Variants in NELL1 observed in about 807,000 individuals in gnomAD.
NELL1 encodes neural EGFL like 1.
In NELL1, 76 loss-of-function variants were observed where a neutral mutation model predicts 107.4. The ratio of observed to expected loss-of-function variants is 0.71; its 90% CI spans 0.59 to 0.86. NELL1 has a LOEUF of 0.86. Ranked by LOEUF, NELL1 falls within the 40% of genes least tolerant of loss-of-function variation. NELL1 has a pLI of 0.00. For missense variants in NELL1, 1,024 were observed against 1,005.5 expected (o/e 1.02, Z -0.25); for synonymous variants, 353 against 341.2 (o/e 1.03, Z -0.38).
At chr11:21,401,554 C>T (rs76147467) in intron 15 of NELL1, among the ~76,000 whole-genome samples, 1,949 of 150,644 alleles carry the variant, frequency 0.013, 61 homozygotes, top group African/African-American at 0.046. Context: ...CAAACTGACA[C>T]AAAAATGAGG....
intron 13 of NELL1, among the ~76,000 whole-genome samples, chr11:21,217,875 T>C (rs751123910): frequency 9.2e-5 from 14 of 152,192 alleles, no homozygotes; most frequent in Non-Finnish European, 1.9e-4. Context: ...AATGTGTCAA[T>C]TGATCATGGC....
rs564685813 is a variant in NELL1, at chr11:20,799,992, G to A, written c.335+16162G>A. Among the ~76,000 whole-genome samples, 28 of 152,222 alleles carry A rather than the reference G, an allele frequency of 1.8e-4. No homozygotes were observed. The South Asian group carries it at 5.8e-3, about 32-fold the overall frequency. On this transcript the variant is annotated intron_variant, in intron 3 of 19. Transcript: ENST00000357134. ...TCTGTTCTTGTGTTAATTCACTTAG[G>A]ATCATGGCCCCCAGCTGTATTCATG...
intron 13 of NELL1, among the ~76,000 whole-genome samples, chr11:21,114,418 A>G (rs897122633): frequency 6.6e-6 from 1 of 152,034 alleles, no homozygotes; most frequent in African/African-American, 2.4e-5. Flanking sequence ...AAGTTATAAG[A>G]AAAGGGTCCC....
intron 12 of NELL1, among the ~76,000 whole-genome samples, chr11:21,077,658 A>G (rs531540091): frequency 1.3e-5 from 2 of 151,846 alleles, no homozygotes; most frequent in East Asian, 3.9e-4. Context: ...CACAAGAATC[A>G]CTTGAACCTG....
At chr11:21,137,972 G>A (rs1855780860) in intron 13 of NELL1, among the ~76,000 whole-genome samples, 1 of 152,072 alleles carries the variant, frequency 6.6e-6, no homozygotes. Context: ...GAAACGTAAG[G>A]TTTCTCCCTG....
chr11:20,847,707 C>A lies in NELL1; in HGVS notation c.460C>A (p.Leu154Met). 6.2e-7 allele frequency: 1 copy of A among 1,613,480 alleles called. No homozygotes were observed. The highest frequency in any genetic ancestry group is 8.5e-7 in the Non-Finnish European group (1 of 1,179,698). Residue 154 changes from leucine to methionine, a missense_variant, in exon 4 of 20, where the codon CTG becomes ATG. Transcript: ENST00000357134. Reference sequence around the variant, plus strand: ...AGATGGACAATGGCACAAGGTTGCACTGTCAGTTAGCGCCTCTCATCTCCT... The same window carrying A: ...AGATGGACAATGGCACAAGGTTGCAATGTCAGTTAGCGCCTCTCATCTCCT... ...MADGQWHKVA[L>M]SVSASHLLLH...
intron 15 of NELL1, among the ~76,000 whole-genome samples, chr11:21,426,842 G>C (rs1279022523): frequency 6.6e-6 from 1 of 152,162 alleles, no homozygotes; most frequent in Admixed American, 6.6e-5. Context: ...TGGAAGAGGG[G>C]TGTCAGAAGA....
At chr11:20,790,329 C>T (rs867669350) in intron 3 of NELL1, among the ~76,000 whole-genome samples, 1 of 152,238 alleles carries the variant, frequency 6.6e-6, no homozygotes, top group East Asian at 1.9e-4. Flanking sequence ...GCTAAGGTGG[C>T]AGAGGGCTGG....
chr11:21,284,674 G>GAGCC, intron 14 of NELL1: 1 of 379,234 alleles, frequency 2.6e-6, no homozygotes, highest in South Asian at 1.9e-5. Flanking sequence ...CTTGTGCCTG[G>GAGCC]AGCCAACTAT....
chr11:20,820,356 ATAC>A, intron 3 of NELL1, among the ~76,000 whole-genome samples: 1 of 152,300 alleles, frequency 6.6e-6, no homozygotes, highest in South Asian at 2.1e-4. Context: ...ATGTTATTAA[ATAC>A]CTATTATAAA....
chr11:20,895,115 CA>C (rs990993597), intron 5 of NELL1, among the ~76,000 whole-genome samples: 5 of 143,100 alleles, frequency 3.5e-5, no homozygotes, highest in South Asian at 4.5e-4. Context: ...ACTAAAAATA[CA>C]AAAAAATTAG....
At chr11:20,789,104 C>T (rs1270954517) in intron 3 of NELL1, among the ~76,000 whole-genome samples, 1 of 152,206 alleles carries the variant, frequency 6.6e-6, no homozygotes, top group Non-Finnish European at 1.5e-5. Context: ...TGTTGCTTTT[C>T]TGACCAGAAA....
intron 12 of NELL1, among the ~76,000 whole-genome samples, chr11:21,055,176 A>C (rs544053204): frequency 5.3e-5 from 8 of 152,108 alleles, no homozygotes; most frequent in Non-Finnish European, 1.0e-4. Context: ...ATATGGAAAA[A>C]ATTATGTATA....
intron 15 of NELL1, among the ~76,000 whole-genome samples, chr11:21,380,794 A>C (rs2133768030): frequency 1.3e-5 from 2 of 152,180 alleles, no homozygotes; most frequent in Middle Eastern, 3.4e-3. Flanking sequence ...TGGAAACATC[A>C]ATGCCTTTTT....
At chr11:21,385,972 G>A (rs1016015967) in intron 15 of NELL1, among the ~76,000 whole-genome samples, 1 of 151,682 alleles carries the variant, frequency 6.6e-6, no homozygotes, top group Non-Finnish European at 1.5e-5. Context: ...CACATAGATT[G>A]TAAGCTTTTC....
At chr11:21,337,780 CTTTCTTTCT>C (rs1555006140) in intron 14 of NELL1, among the ~76,000 whole-genome samples, 1 of 139,998 alleles carries the variant, frequency 7.1e-6, no homozygotes, top group East Asian at 2.1e-4. Flanking sequence ...TTCTTTCTTT[CTTTCTTTCT>C]TTCTTTCCTT....
chr11:20,907,653 T>C lies in NELL1; in HGVS notation c.604-10529T>C, dbSNP rs74738308. ...GTATATTGCTGGTGGAAATATAAAA[T>C]CATGTAGCTTGATGAAAATACCAAA... On this transcript the variant is annotated intron_variant, in intron 5 of 19. Transcript: ENST00000357134. 3.3e-5 allele frequency among the ~76,000 whole-genome samples: 5 copies of C among 152,178 alleles called. No individual in the cohort carries two copies. In the East Asian group the frequency reaches 9.7e-4, roughly 29 times the overall value.
At chr11:21,337,735 C>T (rs868300267) in intron 14 of NELL1, among the ~76,000 whole-genome samples, 45 of 105,376 alleles carry the variant, frequency 4.3e-4, no homozygotes, top group Admixed American at 1.6e-3. Context: ...TTCTTTCTTT[C>T]CTTTCTTTCT....
chr11:21,121,766 A>T (rs929004614), intron 13 of NELL1, among the ~76,000 whole-genome samples: 5 of 152,316 alleles, frequency 3.3e-5, no homozygotes, highest in Non-Finnish European at 7.3e-5. Flanking sequence ...ACAAAAAATG[A>T]AGTCAATAAA....
Sources: allele counts gnomAD v4.1 joint callset (sites outside exome capture counted in the v4.1 genomes callset), GRCh38; gene constraint gnomAD v4.1.1; transcripts MANE v1.5; gene names NCBI Gene and HGNC (gene_info 2026-07-23, HGNC 2026-07-21).